The following COL14A1 variants were observed in gnomAD, a reference collection of about 807,000 sequenced individuals.
The protein encoded by COL14A1 is collagen type XIV alpha 1 chain.
Under a neutral mutation model 230.3 loss-of-function variants are expected in COL14A1, and 136 were observed. The ratio of observed to expected loss-of-function variants is 0.59; its 90% CI spans 0.51 to 0.68. The LOEUF (loss-of-function observed/expected upper bound fraction) is 0.68. COL14A1 is among the 30% of genes least tolerant of loss of function. The pLI is 0.00. For missense variants in COL14A1, 1,976 were observed against 2,215.8 expected, an observed-to-expected ratio of 0.89 and a Z score of 2.17; for synonymous variants, 792 against 784.1, an observed-to-expected ratio of 1.01 and a Z score of -0.17.
intron 40 of COL14A1, among the ~76,000 whole-genome samples, chr8:120,328,484 A>C (rs1349583467): frequency 6.6e-6 from 1 of 150,930 alleles, no homozygotes; most frequent in Non-Finnish European, 1.5e-5. Context: ...CTTTTGCCTC[A>C]GCCTCCCAAC....
intron 19 of COL14A1, among the ~76,000 whole-genome samples, chr8:120,239,976 A>G (rs1453794432): frequency 6.6e-6 from 1 of 152,018 alleles, no homozygotes; most frequent in African/African-American, 2.4e-5. Context: ...GTAAAATAAT[A>G]ATAATATTTA....
Position 120,293,285 on chromosome 8 carries a change from G to T in COL14A1, c.4236+3519G>T, listed in dbSNP as rs11785760. Among the ~76,000 whole-genome samples the T allele has an allele frequency of 2.0e-5, 3 of 151,700 alleles. No individual in the cohort carries two copies. In the South Asian group the frequency reaches 6.2e-4, roughly 31 times the overall value. On this transcript the variant is annotated intron_variant, in intron 34 of 47. Transcript: ENST00000297848. ...CTATCATTTTAGCCACTGAGTTACA[G>T]CTTTTATATATAAATCAATAGTAGA...
chr8:120,250,387 A>C (rs938662562), intron 21 of COL14A1, among the ~76,000 whole-genome samples: 1 of 152,224 alleles, frequency 6.6e-6, no homozygotes, highest in Non-Finnish European at 1.5e-5. Context: ...TCTTTGAATA[A>C]GTACAAGGAT....
At chr8:120,348,169 GTA>G (rs532464787) in intron 45 of COL14A1, among the ~76,000 whole-genome samples, 1 of 102,904 alleles carries the variant, frequency 9.7e-6, no homozygotes, top group African/African-American at 3.8e-5. Flanking sequence ...AAACTGTGGT[GTA>G]TATATATATA....
chr8:120,343,815 A>G (rs1235333122), intron 44 of COL14A1, among the ~76,000 whole-genome samples: 1 of 152,142 alleles, frequency 6.6e-6, no homozygotes, highest in Admixed American at 6.5e-5. Flanking sequence ...CTGTATCTTG[A>G]ATTGTTTTTT....
Position 120,371,214 on chromosome 8 carries a change from T to C in COL14A1, c.5374T>C (p.Trp1792Arg). 1 of 1,611,476 alleles carries C rather than the reference T, an allele frequency of 6.2e-7. No homozygotes were observed. Among genetic ancestry groups the C allele is most frequent in the Non-Finnish European group, 8.5e-7 (1 of 1,178,854 alleles). Residue 1792 changes from tryptophan (W) to arginine (R), a missense_variant, in exon 48 of 48, where the codon TGG (tryptophan) becomes CGG (arginine). Physicochemically the swap from Trp to Arg is moderately radical, Grantham distance 101. Around this residue, in one of 3 missense-constraint regions of COL14A1, gnomAD observed 1,791 missense variants for 2,019.5 expected, o/e 0.89. Transcript: ENST00000297848. ...VQDELEAMEL[W>R]GPGV ...AGATGAGCTGGAAGCCATGGAACTGTGGGGCCCTGGAGTCTGATAGCCTCA... is the reference window on the plus strand; with the variant it reads ...AGATGAGCTGGAAGCCATGGAACTGCGGGGCCCTGGAGTCTGATAGCCTCA...
Position 120,372,559 on chromosome 8 carries a change from T to A in COL14A1, c.*1328T>A, listed in dbSNP as rs1812193547. Among the ~76,000 whole-genome samples the A allele has an allele frequency of 6.6e-6, 1 of 152,160 alleles. No individual in the cohort carries two copies. Among genetic ancestry groups the A allele is most frequent in the African/African-American group, 2.4e-5 (1 of 41,426 alleles). ...ATACGTGCTCCTTCTCTGTAACATC[T>A]CCCTAGTAACAGCTAACTTTAGAAA... On this transcript the variant is annotated 3_prime_UTR_variant, in exon 48 of 48. Coordinates refer to ENST00000297848, the MANE Select transcript of COL14A1 (RefSeq NM_021110.4).
chr8:120,205,002 G>A (rs914258048), intron 9 of COL14A1, among the ~76,000 whole-genome samples: 1 of 152,218 alleles, frequency 6.6e-6, no homozygotes, highest in African/African-American at 2.4e-5. Context: ...GCATGAGGGG[G>A]TTGGGGTGGA....
chr8:120,288,381 G>T (rs1353350000), intron 33 of COL14A1, among the ~76,000 whole-genome samples: 1 of 152,066 alleles, frequency 6.6e-6, no homozygotes, highest in Non-Finnish European at 1.5e-5. Context: ...AACAATTGGT[G>T]TAAGTCCATG....
chr8:120,324,268 A>G (rs1481614652), intron 40 of COL14A1, among the ~76,000 whole-genome samples: 1 of 152,156 alleles, frequency 6.6e-6, no homozygotes, highest in Non-Finnish European at 1.5e-5. Context: ...TGAAAATAGT[A>G]TATATACATA....
At chr8:120,269,663 C>T (rs1819598759) in intron 25 of COL14A1, among the ~76,000 whole-genome samples, 1 of 151,676 alleles carries the variant, frequency 6.6e-6, no homozygotes, top group African/African-American at 2.4e-5. Flanking sequence ...ATAGTATGTC[C>T]TTTTTTCCAA....
chr8:120,245,557 A>G (rs764131188), intron 20 of COL14A1, among the ~76,000 whole-genome samples: 4 of 152,194 alleles, frequency 2.6e-5, no homozygotes, highest in Non-Finnish European at 5.9e-5. Context: ...GGCTTAAAAC[A>G]GTGACCATTT....
chr8:120,245,919 A>G (rs1051382345), intron 20 of COL14A1, among the ~76,000 whole-genome samples: 1 of 152,176 alleles, frequency 6.6e-6, no homozygotes, highest in Non-Finnish European at 1.5e-5. Flanking sequence ...CAGTCTATTT[A>G]TTGGTCAAGG....
In COL14A1 at chr8:120,372,394, A is replaced by T. The variant is rs1812190395; in HGVS notation, c.*1163A>T. Among the ~76,000 whole-genome samples the T allele has an allele frequency of 6.6e-6, 1 of 152,224 alleles. No homozygotes were observed. Among genetic ancestry groups the T allele is most frequent in the Non-Finnish European group, 1.5e-5 (1 of 68,038 alleles). On this transcript the variant is annotated 3_prime_UTR_variant, in exon 48 of 48. Coordinates refer to ENST00000297848, the MANE Select transcript of COL14A1 (RefSeq NM_021110.4). ...AAAACCCCTAGAAGGCAGAGCAGAA[A>T]TGAGGTTGAATCTAATAGACTCTAA...
chr8:120,355,287 A>G (rs1822936627), intron 45 of COL14A1, among the ~76,000 whole-genome samples: 2 of 152,026 alleles, frequency 1.3e-5, no homozygotes, highest in Admixed American at 6.6e-5. Context: ...CATTCTCTAC[A>G]CTGGTATCTT....
At chr8:120,358,639 T>G (rs1823074012) in intron 45 of COL14A1, among the ~76,000 whole-genome samples, 1 of 151,226 alleles carries the variant, frequency 6.6e-6, no homozygotes, top group Admixed American at 6.6e-5. Flanking sequence ...AAGAAGGAGA[T>G]TTGGTTATAC....
intron 16 of COL14A1, 109 bp from the exon 17 acceptor site, chr8:120,227,111 C>A: frequency 7.9e-7 from 1 of 1,261,740 alleles, no homozygotes; most frequent in Non-Finnish European, 1.1e-6. Context: ...ACTTCGACAG[C>A]CTTGGAGTTC....
At chr8:120,163,624 G>A (rs1256253501) in intron 4 of COL14A1, among the ~76,000 whole-genome samples, 4 of 152,092 alleles carry the variant, frequency 2.6e-5, no homozygotes, top group South Asian at 4.1e-4. Flanking sequence ...TTAGCCGGGC[G>A]TGGTGGCACA....
chr8:120,244,526 CCT>C (rs1392435969), intron 20 of COL14A1, among the ~76,000 whole-genome samples: 1 of 152,064 alleles, frequency 6.6e-6, no homozygotes, highest in Non-Finnish European at 1.5e-5. Context: ...GTCTCTTATC[CCT>C]CATCCCCTTC....
Sources: allele counts gnomAD v4.1 joint callset (sites outside exome capture counted in the v4.1 genomes callset), GRCh38; gene constraint gnomAD v4.1.1; regional missense constraint gnomAD v4.1.1; transcripts MANE v1.5; gene names NCBI Gene and HGNC (gene_info 2026-07-23, HGNC 2026-07-21).